EVA1C: variants seen among roughly 807,000 people sequenced by gnomAD.
EVA1C encodes the protein eva-1 homolog C.
In EVA1C, 25 loss-of-function variants were observed where a neutral mutation model predicts 45.4. That is an observed-to-expected ratio of 0.55 (90% confidence interval 0.40 to 0.77). EVA1C has a LOEUF of 0.77. Ranked by LOEUF, EVA1C falls within the 30% of genes least tolerant of loss-of-function variation. The pLI is 0.00. For synonymous variants in EVA1C, 190 were observed against 221.2 expected (o/e 0.86, Z 1.25); for missense variants, 479 against 554.8 (o/e 0.86, Z 1.37).
Position 32,515,238 on chromosome 21 carries a change from T to A in EVA1C, c.*48T>A. 7 of 1,523,676 alleles carry A rather than the reference T, an allele frequency of 4.6e-6. No homozygotes were observed. The highest frequency in any genetic ancestry group is 1.8e-4 in the Middle Eastern group (1 of 5,618). 94.4% of individuals were successfully genotyped at this position (1,523,676 alleles called of 1,614,324 possible). On this transcript the variant is annotated 3_prime_UTR_variant, in exon 8 of 8. Coordinates refer to ENST00000300255, the MANE Select transcript of EVA1C (RefSeq NM_058187.5). ...ATCGCACTTTCTGAAGAAGGAAGGA[T>A]CCCAAATGCCCCTCCAGTTCTGGTT...
At chr21:32,456,798 C>T (rs1351218080) in intron 2 of EVA1C, among the ~76,000 whole-genome samples, 1 of 152,040 alleles carries the variant, frequency 6.6e-6, no homozygotes, top group Non-Finnish European at 1.5e-5. Context: ...GAACGAGGAC[C>T]TAGAGAACAG....
rs62216214 is a variant in EVA1C at position 32,477,380 on chromosome 21, G to T, written c.634+9532G>T. Among the ~76,000 whole-genome samples, 1,307 of 152,238 alleles carry T rather than the reference G, an allele frequency of 8.6e-3. 13 individuals are homozygous for T. The highest frequency in any genetic ancestry group is 0.029 in the African/African-American group (1,191 of 41,528). Reference sequence around the variant, plus strand: ...TATCAAAATGTGAATTCGTTTTCTAGTAAAATACCTCCAAGTTTAATGGCT... The same window carrying T: ...TATCAAAATGTGAATTCGTTTTCTATTAAAATACCTCCAAGTTTAATGGCT... On this transcript the variant is annotated intron_variant, in intron 4 of 7. Coordinates refer to ENST00000300255, the MANE Select transcript of EVA1C (RefSeq NM_058187.5).
At chr21:32,460,756 C>CTTTTTTTTT (rs3056330) in intron 3 of EVA1C, among the ~76,000 whole-genome samples, 2 of 149,850 alleles carry the variant, frequency 1.3e-5, no homozygotes, top group Non-Finnish European at 3.0e-5. Context: ...ACAGAAGAAT[C>CTTTTTTTTT]TTTTTTTTGG....
chr21:32,470,218 T>G (rs553094519), intron 4 of EVA1C, among the ~76,000 whole-genome samples: 1 of 151,022 alleles, frequency 6.6e-6, no homozygotes, highest in African/African-American at 2.4e-5. Flanking sequence ...AAAAAGAAAA[T>G]GAACAAAAAG....
intron 2 of EVA1C, among the ~76,000 whole-genome samples, chr21:32,453,764 T>C (rs527489160): frequency 1.7e-4 from 26 of 152,322 alleles, no homozygotes; most frequent in African/African-American, 6.0e-4. Flanking sequence ...ATGAATTTAT[T>C]TGTAGGTTTA....
intron 1 of EVA1C, 42 bp from the exon 2 acceptor site, chr21:32,453,270 T>C (rs2035651868): frequency 1.4e-6 from 2 of 1,471,326 alleles, no homozygotes; most frequent in East Asian, 4.6e-5. Flanking sequence ...GGAGGAGTGG[T>C]GGGTTCCTGG....
intron 1 of EVA1C, among the ~76,000 whole-genome samples, chr21:32,449,339 T>C (rs2035490590): frequency 6.6e-6 from 1 of 152,230 alleles, no homozygotes; most frequent in Non-Finnish European, 1.5e-5. Context: ...GTAGTTGCAA[T>C]GCCCAAAAAG....
At chr21:32,476,503 T>C (rs544538921) in intron 4 of EVA1C, among the ~76,000 whole-genome samples, 1 of 151,982 alleles carries the variant, frequency 6.6e-6, no homozygotes, top group Non-Finnish European at 1.5e-5. Flanking sequence ...TAACCACATG[T>C]GGTGGCGCAT....
At chr21:32,502,323 T>C (rs1376459744) in intron 6 of EVA1C, among the ~76,000 whole-genome samples, 1 of 152,090 alleles carries the variant, frequency 6.6e-6, no homozygotes, top group African/African-American at 2.4e-5. Flanking sequence ...GGTCTTGAAC[T>C]CCTGACCTCA....
chr21:32,423,256 C>CT (rs2034359595), intron 1 of EVA1C, among the ~76,000 whole-genome samples: 1 of 152,042 alleles, frequency 6.6e-6, no homozygotes, highest in Admixed American at 6.6e-5. Context: ...TCTTGACCCA[C>CT]TTGAGCTCTT....
At chr21:32,419,139 C>G (rs957775695) in intron 1 of EVA1C, among the ~76,000 whole-genome samples, 6 of 151,840 alleles carry the variant, frequency 4.0e-5, no homozygotes, top group African/African-American at 1.5e-4. Context: ...TTTTTTAAAA[C>G]TTTTATTTTA....
intron 7 of EVA1C, among the ~76,000 whole-genome samples, chr21:32,510,222 T>C (rs1207965558): frequency 6.6e-6 from 1 of 151,856 alleles, no homozygotes. Context: ...CTAATTTTAA[T>C]TTTTGTATTT....
chr21:32,433,257 T>TAAATTAATAATTAATAAATTAAAGATC (rs2034784138), intron 1 of EVA1C: 1 of 152,242 alleles, frequency 6.6e-6, no homozygotes, highest in African/African-American at 2.4e-5. Context: ...ATTAACCTCT[T>TAAATTAATAATTAATAAATTAAAGATC]ATTTGTTTTA....
chr21:32,470,398 G>A (rs1304652204), intron 4 of EVA1C, among the ~76,000 whole-genome samples: 1 of 152,218 alleles, frequency 6.6e-6, no homozygotes, highest in Non-Finnish European at 1.5e-5. Context: ...GCAGGCTGGT[G>A]TGGGCATACA....
intron 4 of EVA1C, among the ~76,000 whole-genome samples, chr21:32,494,183 T>C (rs1442645657): frequency 6.6e-6 from 1 of 152,232 alleles, no homozygotes; most frequent in Non-Finnish European, 1.5e-5. Context: ...CTGATTTTAA[T>C]GATGTTGTGC....
intron 1 of EVA1C, among the ~76,000 whole-genome samples, chr21:32,444,121 C>T (rs1352960412): frequency 6.6e-6 from 1 of 152,020 alleles, no homozygotes; most frequent in Non-Finnish European, 1.5e-5. Context: ...TATTCTTTCA[C>T]TCAACAACAA....
At chr21:32,480,294 C>A (rs1460877820) in intron 4 of EVA1C, among the ~76,000 whole-genome samples, 1 of 49,062 alleles carries the variant, frequency 2.0e-5, no homozygotes, top group Non-Finnish European at 3.7e-5. Context: ...GAGCAAGGCC[C>A]TGTCTCTTAA....
intron 1 of EVA1C, among the ~76,000 whole-genome samples, chr21:32,427,454 C>T (rs2082230500): frequency 6.6e-6 from 1 of 152,154 alleles, no homozygotes; most frequent in African/African-American, 2.4e-5. Context: ...GTGGCTCATG[C>T]TTGTAATCCC....
At chr21:32,510,188 A>T (rs905705769) in intron 7 of EVA1C, among the ~76,000 whole-genome samples, 1 of 151,648 alleles carries the variant, frequency 6.6e-6, no homozygotes, top group African/African-American at 2.4e-5. Flanking sequence ...AGCTGGGACT[A>T]CAGGCGCACG....
Sources: gnomAD v4.1 joint callset for allele counts (sites outside exome capture counted in the v4.1 genomes callset) on GRCh38, gnomAD v4.1.1 for gene constraint, MANE v1.5 for transcripts, NCBI Gene and HGNC (gene_info 2026-07-23, HGNC 2026-07-21) for gene names.